The following SPTBN1 variants were observed in gnomAD, a reference collection of about 807,000 sequenced individuals.
The protein encoded by SPTBN1 is spectrin beta chain, non-erythrocytic 1.
Under a neutral mutation model 266.4 loss-of-function variants are expected in SPTBN1, and 32 were observed. The observed-to-expected ratio is 0.12, with a 90% CI of 0.09 to 0.16. The LOEUF (loss-of-function observed/expected upper bound fraction) is 0.16. Ranked by LOEUF, SPTBN1 falls within the 10% of genes least tolerant of loss-of-function variation. The probability of loss-of-function intolerance (pLI) is 1.00; values close to 1 mark genes in which losing one functional copy is unlikely to be tolerated. For missense variants in SPTBN1, 2,296 were observed against 3,067.1 expected (o/e 0.75, Z 5.94); for synonymous variants, 1,336 against 1,162.2 (o/e 1.15, Z -3.04).
chr2:54,553,833 C>T (rs925479500), intron 2 of SPTBN1, among the ~76,000 whole-genome samples: 3 of 152,218 alleles, frequency 2.0e-5, no homozygotes, highest in African/African-American at 4.8e-5. Context: ...AGTTTACCCA[C>T]TCAAGCTTGC....
At chr2:54,637,503 T>G (rs977595475) in intron 17 of SPTBN1, among the ~76,000 whole-genome samples, 1 of 152,220 alleles carries the variant, frequency 6.6e-6, no homozygotes, top group Non-Finnish European at 1.5e-5. Context: ...TTGTGTGGTT[T>G]GGGCAGATTT....
At chr2:54,573,911 T>C (rs1674268715) in intron 2 of SPTBN1, among the ~76,000 whole-genome samples, 1 of 136,848 alleles carries the variant, frequency 7.3e-6, no homozygotes, top group African/African-American at 3.3e-5. Flanking sequence ...AGGGGGGTGC[T>C]TTGTACACCT....
chr2:54,515,204 C>A (rs1670051892), intron 1 of SPTBN1, among the ~76,000 whole-genome samples: 1 of 152,158 alleles, frequency 6.6e-6, no homozygotes, highest in African/African-American at 2.4e-5. Flanking sequence ...CTGTATTCAT[C>A]TCCACCCCTA....
chr2:54,589,523 C>G lies in SPTBN1; in HGVS notation c.149-9569C>G, dbSNP rs1427309404. Among the ~76,000 whole-genome samples, 4 of 152,328 alleles carry G rather than the reference C, an allele frequency of 2.6e-5. No individual in the cohort carries two copies. The East Asian group carries it at 5.8e-4, about 22-fold the overall frequency. The stretch of plus-strand genomic sequence containing the variant: ...TTGTAGTCGGCCCATCAGACAGTTA[C>G]TAGCAGACAATTGCATATTTGCTTC... On this transcript the variant is annotated intron_variant, in intron 2 of 35. Coordinates refer to ENST00000356805, the MANE Select transcript of SPTBN1 (RefSeq NM_003128.3).
chr2:54,504,753 TA>T (rs1353862668), intron 1 of SPTBN1, among the ~76,000 whole-genome samples: 1 of 152,108 alleles, frequency 6.6e-6, no homozygotes, highest in Non-Finnish European at 1.5e-5. Flanking sequence ...ATTTTCTAAT[TA>T]AAAGGTTTTT....
intron 2 of SPTBN1, among the ~76,000 whole-genome samples, chr2:54,595,602 G>C (rs557392033): frequency 6.6e-6 from 1 of 152,246 alleles, no homozygotes; most frequent in African/African-American, 2.4e-5. Context: ...TGCAAAGGGC[G>C]TGCCCTTGGT....
chr2:54,564,232 T>C (rs1673518955), intron 2 of SPTBN1, among the ~76,000 whole-genome samples: 1 of 152,206 alleles, frequency 6.6e-6, no homozygotes, highest in African/African-American at 2.4e-5. Flanking sequence ...GGAGGCTAGT[T>C]ATATAGAAGA....
chr2:54,503,037 C>T (rs1156259711), intron 1 of SPTBN1, among the ~76,000 whole-genome samples: 1 of 152,194 alleles, frequency 6.6e-6, no homozygotes, highest in Non-Finnish European at 1.5e-5. Context: ...ACATAGTAAT[C>T]ACATTGGATT....
chr2:54,634,547 T>C (rs1368262815), intron 17 of SPTBN1, among the ~76,000 whole-genome samples: 1 of 152,232 alleles, frequency 6.6e-6, no homozygotes, highest in Non-Finnish European at 1.5e-5. Context: ...AACTGAATTC[T>C]GATTTCACTT....
intron 1 of SPTBN1, among the ~76,000 whole-genome samples, chr2:54,503,283 A>G (rs1398581975): frequency 1.3e-5 from 2 of 152,196 alleles, no homozygotes; most frequent in African/African-American, 2.4e-5. Context: ...CTTTCAGCAC[A>G]CTATGTCAGC....
chr2:54,592,810 C>T (rs543953004), intron 2 of SPTBN1, among the ~76,000 whole-genome samples: 1 of 152,258 alleles, frequency 6.6e-6, no homozygotes, highest in Admixed American at 6.5e-5. Flanking sequence ...CATCTTAATC[C>T]CTCTTGCCTG....
intron 2 of SPTBN1, among the ~76,000 whole-genome samples, chr2:54,566,519 T>G (rs1275261477): frequency 6.6e-6 from 1 of 152,114 alleles, no homozygotes; most frequent in Non-Finnish European, 1.5e-5. Context: ...TGTTTAATAT[T>G]CTCTGCTGCA....
intron 2 of SPTBN1, among the ~76,000 whole-genome samples, chr2:54,592,843 C>T (rs1030533574): frequency 2.0e-5 from 3 of 152,138 alleles, no homozygotes; most frequent in African/African-American, 2.4e-5. Flanking sequence ...GAGAAAGAGC[C>T]GAGGACCTCA....
At position 54,607,479 on chromosome 2, in the gene SPTBN1, C is replaced by T. The variant is rs1000860702; in HGVS notation, c.301-4682C>T. Among the ~76,000 whole-genome samples the T allele has an allele frequency of 4.6e-5, 7 of 152,158 alleles. No homozygotes were observed. The South Asian group carries it at 8.3e-4, about 18-fold the overall frequency. On this transcript the variant is annotated intron_variant, in intron 3 of 35. Coordinates refer to ENST00000356805, the MANE Select transcript of SPTBN1 (RefSeq NM_003128.3). ...CTCTACTAAAAATACAAAAATTAGC[C>T]AGGCGTGGTGACTGGTGCCTATAAC...
intron 2 of SPTBN1, among the ~76,000 whole-genome samples, chr2:54,565,851 GA>G (rs1273102214): frequency 1.3e-5 from 2 of 152,286 alleles, no homozygotes; most frequent in African/African-American, 2.4e-5. Flanking sequence ...TCCTTTTAAA[GA>G]AAACTTCTAC....
chr2:54,637,434 T>G (rs1364052762), intron 17 of SPTBN1, among the ~76,000 whole-genome samples: 1 of 152,212 alleles, frequency 6.6e-6, no homozygotes, highest in Non-Finnish European at 1.5e-5. Flanking sequence ...ATTTTTTTCT[T>G]AACACCAGAT....
At chr2:54,617,282 C>G (rs780077878) in intron 5 of SPTBN1, among the ~76,000 whole-genome samples, 7 of 152,158 alleles carry the variant, frequency 4.6e-5, no homozygotes, top group Non-Finnish European at 1.0e-4. Context: ...GAGTAGAAAG[C>G]CAATGGAAGC....
intron 2 of SPTBN1, among the ~76,000 whole-genome samples, chr2:54,596,355 C>T (rs1391807888): frequency 6.6e-6 from 1 of 152,216 alleles, no homozygotes; most frequent in East Asian, 1.9e-4. Flanking sequence ...TTCTTTTCCC[C>T]TCTGTCTCCC....
intron 1 of SPTBN1, among the ~76,000 whole-genome samples, chr2:54,508,922 T>G (rs1185601320): frequency 2.0e-5 from 3 of 152,198 alleles, no homozygotes; most frequent in Non-Finnish European, 4.4e-5. Context: ...GTGAGGAAAC[T>G]TCTTTCTGCC....
Sources: allele counts gnomAD v4.1 joint callset (sites outside exome capture counted in the v4.1 genomes callset), GRCh38; gene constraint gnomAD v4.1.1; transcripts MANE v1.5; gene names NCBI Gene and HGNC (gene_info 2026-07-23, HGNC 2026-07-21).